The following ARHGAP40 variants were observed in gnomAD, a reference collection of about 807,000 sequenced individuals.
ARHGAP40 encodes rho GTPase-activating protein 40.
Under a neutral mutation model 73.5 loss-of-function variants are expected in ARHGAP40, and 43 were observed. The ratio of observed to expected loss-of-function variants is 0.58; its 90% CI spans 0.46 to 0.75. The LOEUF (loss-of-function observed/expected upper bound fraction) is 0.75. ARHGAP40 is among the 30% of genes least tolerant of loss of function. The pLI, the probability that ARHGAP40 is intolerant of heterozygous loss-of-function variation, is 0.00. For missense variants in ARHGAP40, 734 were observed against 861.8 expected (o/e 0.85, Z 1.86); for synonymous variants, 300 against 352.8 (o/e 0.85, Z 1.68).
intron 5 of ARHGAP40, among the ~76,000 whole-genome samples, chr20:38,630,870 A>G (rs1388594623): frequency 1.3e-5 from 2 of 152,126 alleles, no homozygotes; most frequent in East Asian, 1.9e-4. Context: ...CAGTCCCTCT[A>G]TTACTAAAGG....
chr20:38,649,304 G>T (rs2089072901), intron 14 of ARHGAP40, among the ~76,000 whole-genome samples: 1 of 152,226 alleles, frequency 6.6e-6, no homozygotes, highest in South Asian at 2.1e-4. Flanking sequence ...TGGCCAAGAA[G>T]CAGAAGCTAA....
chr20:38,617,869 G>A (rs971445151), intron 1 of ARHGAP40, among the ~76,000 whole-genome samples: 1 of 152,174 alleles, frequency 6.6e-6, no homozygotes, highest in Non-Finnish European at 1.5e-5. Context: ...AGCACCTTAG[G>A]TGTATTAGCT....
chr20:38,636,868 T>G (rs1373196614), intron 6 of ARHGAP40, among the ~76,000 whole-genome samples: 1 of 152,160 alleles, frequency 6.6e-6, no homozygotes, highest in Non-Finnish European at 1.5e-5. Context: ...GGTTTGTTTC[T>G]TTAAAGACAA....
chr20:38,638,583 G>A (rs530227443), intron 7 of ARHGAP40, among the ~76,000 whole-genome samples, 178 bp from the exon 8 acceptor site: 1 of 152,296 alleles, frequency 6.6e-6, no homozygotes, highest in Admixed American at 6.5e-5. Context: ...AGAAAAATGT[G>A]TATGAAGCTC....
chr20:38,649,761 G>C (rs1434725844), exon 15 of ARHGAP40: 1 of 1,305,068 alleles, frequency 7.7e-7, no homozygotes, highest in Admixed American at 2.3e-5. Context: ...CCACAGATGA[G>C]CATCGCCTGG....
At chr20:38,635,661 T>C (rs1054742917) in intron 6 of ARHGAP40, among the ~76,000 whole-genome samples, 1 of 152,188 alleles carries the variant, frequency 6.6e-6, no homozygotes, top group Non-Finnish European at 1.5e-5. Context: ...AGACTCTGTC[T>C]CATTCTATAT....
At chr20:38,648,561 G>A (rs747219428) in intron 13 of ARHGAP40, 82 bp from the exon 14 acceptor site, 47 of 1,163,380 alleles carry the variant, frequency 4.0e-5, no homozygotes, top group Non-Finnish European at 5.3e-5. Context: ...TTCCAGGGCT[G>A]GGGGCCATGC....
At chr20:38,643,962 C>T in intron 11 of ARHGAP40, 52 bp downstream of exon 11, 5 of 1,242,564 alleles carry the variant, frequency 4.0e-6, no homozygotes, top group Admixed American at 2.6e-5. Context: ...GCCGTGCCGC[C>T]CCTGCTCTCC....
chr20:38,649,553 C>T (rs1043402541), intron 14 of ARHGAP40, among the ~76,000 whole-genome samples: 20 of 152,192 alleles, frequency 1.3e-4, no homozygotes, highest in Admixed American at 9.2e-4. Flanking sequence ...GTGGGCTTCC[C>T]AGGGGAAAGG....
chr20:38,621,649 G>A (rs775450653), intron 1 of ARHGAP40, among the ~76,000 whole-genome samples: 6 of 152,228 alleles, frequency 3.9e-5, no homozygotes, highest in East Asian at 1.9e-4. Flanking sequence ...CATGGAAAAC[G>A]TGGTCGTAGC....
chr20:38,610,651 A>G (rs1343602722), intron 1 of ARHGAP40, among the ~76,000 whole-genome samples: 2 of 152,204 alleles, frequency 1.3e-5, no homozygotes, highest in Non-Finnish European at 2.9e-5. Context: ...TTATACGTGG[A>G]TTCAGATTCT....
At chr20:38,609,224 A>G (rs1205570758) in intron 1 of ARHGAP40, among the ~76,000 whole-genome samples, 1 of 151,886 alleles carries the variant, frequency 6.6e-6, no homozygotes, top group Non-Finnish European at 1.5e-5. Context: ...CCCTGCCTCC[A>G]CCCTCAGGAG....
rs997308379 is a variant in ARHGAP40, at chr20:38,630,076, CTTTCTTTT to C, written c.783+428_783+435del. On this transcript the variant is annotated intron_variant, in intron 5 of 14. Coordinates refer to ENST00000373345, the Ensembl canonical transcript of ARHGAP40. ...CTCCTTCTTTTTTCTTTCTTTCTTT[CTTTCTTTT>C]TCTTTCTTTCTTTCTTTGTTTTTCT... is the stretch of plus-strand genomic sequence containing the variant. 6.0e-5 allele frequency among the ~76,000 whole-genome samples: 5 copies of C among 83,448 alleles called. No homozygotes were observed. The Admixed American group carries it at 6.2e-4, about 10-fold the overall frequency. The allele number at this position is 83,448 out of a possible 152,430, so 54.7% of individuals were successfully genotyped here.
Position 38,615,458 on chromosome 20 carries a change from C to T in ARHGAP40, c.138-7901C>T, listed in dbSNP as rs564490903. The stretch of plus-strand genomic sequence containing the variant: ...ACCAGCTCCTTCTCAGCCAGGAACT[C>T]GACCTCGGCCACGTCCATGGCGGCG... On this transcript the variant is annotated intron_variant, in intron 1 of 14. Coordinates refer to ENST00000373345, the Ensembl canonical transcript of ARHGAP40. 196 of 697,180 alleles carry T rather than the reference C, an allele frequency of 2.8e-4. No homozygotes were observed. In the African/African-American group the frequency reaches 2.9e-3, roughly 10 times the overall value. The allele number at this position is 697,180 out of a possible 1,614,324, so 43.2% of individuals were successfully genotyped here. A position where few individuals can be genotyped will look rare whatever the true frequency, so the allele number is the denominator to read the frequency against.
intron 1 of ARHGAP40, 87 bp downstream of exon 1, chr20:38,602,166 G>A (rs1446913091): frequency 1.0e-5 from 12 of 1,192,596 alleles, no homozygotes; most frequent in Non-Finnish European, 1.3e-5. Flanking sequence ...TCCCTGTGAG[G>A]CAAGAATCTT....
At chr20:38,644,534 T>G (rs761740317) in intron 11 of ARHGAP40, among the ~76,000 whole-genome samples, 2 of 151,998 alleles carry the variant, frequency 1.3e-5, no homozygotes, top group Non-Finnish European at 2.9e-5. Context: ...CATCCTTCCA[T>G]TCAGTCTCCC....
intron 6 of ARHGAP40, among the ~76,000 whole-genome samples, chr20:38,635,517 G>A (rs2088969295): frequency 6.6e-6 from 1 of 151,974 alleles, no homozygotes; most frequent in Admixed American, 6.6e-5. Context: ...TAAAAAAGTA[G>A]CCAGGCGTGC....
intron 1 of ARHGAP40, among the ~76,000 whole-genome samples, chr20:38,622,170 T>C (rs1040797840): frequency 6.6e-6 from 1 of 152,168 alleles, no homozygotes; most frequent in African/African-American, 2.4e-5. Context: ...ATGAGTCTTG[T>C]TTTTTAATAG....
intron 5 of ARHGAP40, among the ~76,000 whole-genome samples, chr20:38,632,427 A>G (rs2088946538): frequency 6.6e-6 from 1 of 151,138 alleles, no homozygotes; most frequent in African/African-American, 2.4e-5. Context: ...ATGCCTGGCT[A>G]ATTTTTTGTA....
Sources: allele counts gnomAD v4.1 joint callset (sites outside exome capture counted in the v4.1 genomes callset), GRCh38; gene constraint gnomAD v4.1.1; transcripts MANE v1.5; gene names NCBI Gene and HGNC (gene_info 2026-07-23, HGNC 2026-07-21).